The following ACER1 variants were observed in gnomAD, a reference collection of about 807,000 sequenced individuals.
The protein encoded by ACER1 is CTB-180A7.3.
Under a neutral mutation model 24.9 loss-of-function variants are expected in ACER1, and 28 were observed. The ratio of observed to expected loss-of-function variants is 1.13; its 90% CI spans 0.83 to 1.54. The LOEUF (loss-of-function observed/expected upper bound fraction) is 1.54, where lower values mean the gene tolerates loss of function less well. Ranked by LOEUF, ACER1 falls within the 40% of genes most tolerant of loss-of-function variation. ACER1 has a pLI of 0.00. For synonymous variants in ACER1, 132 were observed against 131.4 expected, an observed-to-expected ratio of 1.00 and a Z score of -0.03; for missense variants, 352 against 349.3, an observed-to-expected ratio of 1.01 and a Z score of -0.06.
intron 1 of ACER1, among the ~76,000 whole-genome samples, chr19:6,316,769 G>A (rs1222209028): frequency 6.8e-6 from 1 of 147,530 alleles, no homozygotes; most frequent in African/African-American, 2.5e-5. Flanking sequence ...GCAATGAGCC[G>A]AGATCGCACC....
chr19:6,327,260 GTC>G (rs1373694300), intron 1 of ACER1, among the ~76,000 whole-genome samples: 1 of 152,102 alleles, frequency 6.6e-6, no homozygotes, highest in Non-Finnish European at 1.5e-5. Context: ...GTGAAACCCT[GTC>G]TCTGCAAAAA....
intron 5 of ACER1, 76 bp from the exon 6 acceptor site, chr19:6,306,958 T>G: frequency 6.5e-7 from 1 of 1,542,100 alleles, no homozygotes; most frequent in Non-Finnish European, 8.8e-7. Context: ...TTACTTCTCA[T>G]GGCTCTTGAC....
chr19:6,330,608 G>C (rs776421320), intron 1 of ACER1, among the ~76,000 whole-genome samples: 1 of 150,192 alleles, frequency 6.7e-6, no homozygotes, highest in South Asian at 2.1e-4. Flanking sequence ...ACCATACCCA[G>C]CCTCTCAGTG....
At chr19:6,314,792 C>A (rs1248764807) in intron 1 of ACER1, among the ~76,000 whole-genome samples, 1 of 152,128 alleles carries the variant, frequency 6.6e-6, no homozygotes, top group African/African-American at 2.4e-5. Flanking sequence ...ATGTTTATTG[C>A]AGCACTGTTC....
upstream of ACER1, among the ~76,000 whole-genome samples, chr19:6,334,911 CTGACCT>C (rs2091706729): frequency 6.7e-6 from 1 of 150,276 alleles, no homozygotes; most frequent in Non-Finnish European, 1.5e-5. Flanking sequence ...CTTACTGAAG[CTGACCT>C]TGAACTTTAA....
At chr19:6,359,581 G>T in the ACER1 span, among the ~76,000 whole-genome samples, 1 of 151,956 alleles carries the variant, frequency 6.6e-6, no homozygotes, top group South Asian at 2.1e-4. Flanking sequence ...GGCTCCCAAA[G>T]TGCTGGGATT....
At chr19:6,310,907 GAGAAGA>G (rs993121414) in intron 3 of ACER1, among the ~76,000 whole-genome samples, 1 of 151,372 alleles carries the variant, frequency 6.6e-6, no homozygotes, top group African/African-American at 2.4e-5. Context: ...GAAGGAGAAG[GAGAAGA>G]AGAAGGTCCT....
At chr19:6,344,391 A>G in the ACER1 span, among the ~76,000 whole-genome samples, 1 of 151,840 alleles carries the variant, frequency 6.6e-6, no homozygotes, top group Non-Finnish European at 1.5e-5. Context: ...GCAGTGAGCC[A>G]AGATTGTGCC....
chr19:6,342,258 CTTTTTTTT>C, the ACER1 span, among the ~76,000 whole-genome samples: 3 of 112,144 alleles, frequency 2.7e-5, no homozygotes, highest in Non-Finnish European at 3.7e-5. Context: ...TATCCTAGTT[CTTTTTTTT>C]TTTTTTTTTT....
chr19:6,309,820 C>G lies in ACER1; in HGVS notation c.365G>C (p.Arg122Pro). The G allele has an allele frequency of 6.2e-7, 1 of 1,613,952 alleles. No homozygotes were observed. The highest frequency in any genetic ancestry group is 8.5e-7 in the Non-Finnish European group (1 of 1,179,934). Residue 122 changes from arginine to proline, a missense_variant, in exon 4 of 6, where the codon CGC becomes CCC. By Grantham distance (103) the Arg-to-Pro change is moderately radical. Coordinates refer to ENST00000301452, the MANE Select transcript of ACER1 (RefSeq NM_133492.3). ...FLGGNRSQFI[R>P]LVFITTVVST... is the part of the protein sequence containing the mutation. ...GACCACAGTGGTGATGAAGACCAGG[C>G]GGATGAACTGGGACCTGGGGAGGAA...
chr19:6,330,456 G>A (rs1380098147), intron 1 of ACER1, among the ~76,000 whole-genome samples: 1 of 150,252 alleles, frequency 6.7e-6, no homozygotes, highest in Non-Finnish European at 1.5e-5. Context: ...GCATAAGCCA[G>A]TGGTGCCCAG....
chr19:6,353,685 C>T, the ACER1 span, among the ~76,000 whole-genome samples: 1 of 151,376 alleles, frequency 6.6e-6, no homozygotes. Context: ...ATTAGCCTGG[C>T]GTGGTGGCAC....
chr19:6,343,244 C>G, the ACER1 span, among the ~76,000 whole-genome samples: 17 of 152,320 alleles, frequency 1.1e-4, no homozygotes, highest in African/African-American at 4.1e-4. Flanking sequence ...CCACAAATAT[C>G]AGTGTCCTAA....
chr19:6,350,465 G>A, the ACER1 span, among the ~76,000 whole-genome samples: 18 of 152,228 alleles, frequency 1.2e-4, no homozygotes, highest in East Asian at 3.3e-3. Context: ...CAGGTACTCG[G>A]GAGGCTGAGG....
intron 1 of ACER1, among the ~76,000 whole-genome samples, chr19:6,322,504 A>G (rs537237756): frequency 1.1e-4 from 16 of 151,940 alleles, no homozygotes; most frequent in Admixed American, 4.6e-4. Flanking sequence ...TCAAAACCCA[A>G]CCCTGGGTGC....
the ACER1 span, among the ~76,000 whole-genome samples, chr19:6,352,055 C>CAA: frequency 1.4e-4 from 15 of 109,498 alleles, no homozygotes; most frequent in South Asian, 1.3e-3. Context: ...GACTCCATCT[C>CAA]AAAAAAAAAA....
At chr19:6,333,654 CG>C (rs2091701179), upstream of ACER1, 1 of 977,102 alleles carries the variant, frequency 1.0e-6, no homozygotes, top group Admixed American at 2.7e-5. Flanking sequence ...CCCGGTGCCC[CG>C]CGGCAGGCAG....
chr19:6,307,384 G>A (rs1036601997), intron 4 of ACER1, 94 bp from the exon 5 acceptor site: 1 of 1,430,440 alleles, frequency 7.0e-7, no homozygotes, highest in Non-Finnish European at 9.5e-7. Context: ...ATGAGGCTCA[G>A]AGGTTGGGAG....
chr19:6,341,244 A>G, the ACER1 span, among the ~76,000 whole-genome samples: 1 of 145,446 alleles, frequency 6.9e-6, no homozygotes, highest in African/African-American at 2.5e-5. Flanking sequence ...CAGGAGGTGG[A>G]GGTTGCAGTG....
Sources: gnomAD v4.1 joint callset for allele counts (sites outside exome capture counted in the v4.1 genomes callset) on GRCh38, gnomAD v4.1.1 for gene constraint, MANE v1.5 for transcripts, NCBI Gene and HGNC (gene_info 2026-07-23, HGNC 2026-07-21) for gene names.